Variants in KAT6B observed in about 807,000 individuals in gnomAD.
The protein encoded by KAT6B is histone acetyltransferase KAT6B.
A neutral mutation model predicts 187.5 loss-of-function variants in KAT6B; 10 were observed. That is an observed-to-expected ratio of 0.05 (90% CI 0.03 to 0.09). The LOEUF is 0.09. Among genes scored for constraint, KAT6B ranks in the 10% least tolerant of loss-of-function variants. KAT6B has a pLI of 1.00. For synonymous variants in KAT6B, 861 were observed against 926.8 expected (o/e 0.93, Z 1.29); for missense variants, 1,952 against 2,558.9 (o/e 0.76, Z 5.12).
At chr10:74,911,422 A>G (rs1031426696) in intron 3 of KAT6B, among the ~76,000 whole-genome samples, 2 of 151,842 alleles carry the variant, frequency 1.3e-5, no homozygotes, top group Non-Finnish European at 2.9e-5. Flanking sequence ...GCCCACCACC[A>G]TGCCTGGCTA....
intron 3 of KAT6B, among the ~76,000 whole-genome samples, chr10:74,947,086 ACC>A (rs1840005659): frequency 6.6e-6 from 1 of 151,850 alleles, no homozygotes; most frequent in Non-Finnish European, 1.5e-5. Flanking sequence ...TACAACCTCC[ACC>A]CCCTGAGTTC....
At chr10:74,963,076 A>G (rs531736070) in intron 4 of KAT6B, among the ~76,000 whole-genome samples, 1 of 152,278 alleles carries the variant, frequency 6.6e-6, no homozygotes, top group African/African-American at 2.4e-5. Flanking sequence ...CAGTGAGAAA[A>G]TGATAGGAAG....
At chr10:74,944,565 T>G (rs1394020291) in intron 3 of KAT6B, among the ~76,000 whole-genome samples, 1 of 151,924 alleles carries the variant, frequency 6.6e-6, no homozygotes, top group Admixed American at 6.6e-5. Context: ...AATCCAGCAC[T>G]TTGGGAGGTC....
intron 13 of KAT6B, among the ~76,000 whole-genome samples, chr10:75,014,915 A>C (rs1450603723): frequency 6.6e-6 from 1 of 152,194 alleles, no homozygotes; most frequent in Admixed American, 6.5e-5. Context: ...GAGATTCTTC[A>C]GTCCTACTGT....
chr10:75,026,031 G>A (rs536835596), intron 17 of KAT6B: 1 of 151,516 alleles, frequency 6.6e-6, no homozygotes, highest in African/African-American at 2.4e-5. Context: ...GTGGTGGTGT[G>A]TGCCTATAGT....
intron 8 of KAT6B, 37 bp downstream of exon 8, chr10:74,976,367 C>T: frequency 1.3e-6 from 2 of 1,555,310 alleles, no homozygotes; most frequent in South Asian, 2.2e-5. Context: ...AAACCTGCGT[C>T]CCGTCCCTTT....
At chr10:74,831,460 A>G (rs1840855087) in intron 1 of KAT6B, among the ~76,000 whole-genome samples, 1 of 152,226 alleles carries the variant, frequency 6.6e-6, no homozygotes. Flanking sequence ...TAAACAATGT[A>G]TAACTATGAG....
At chr10:74,878,678 G>A (rs1244140698) in intron 3 of KAT6B, among the ~76,000 whole-genome samples, 1 of 151,784 alleles carries the variant, frequency 6.6e-6, no homozygotes, top group African/African-American at 2.4e-5. Flanking sequence ...GCAGAGGGAG[G>A]TAACTTCTAG....
intron 13 of KAT6B, among the ~76,000 whole-genome samples, chr10:75,010,453 T>A (rs943895611): frequency 1.3e-5 from 2 of 152,254 alleles, no homozygotes; most frequent in Non-Finnish European, 2.9e-5. Flanking sequence ...TCTCATTTTT[T>A]CTTTCTTCAA....
chr10:74,962,566 T>A (rs866391116), intron 4 of KAT6B, among the ~76,000 whole-genome samples: 11 of 152,136 alleles, frequency 7.2e-5, no homozygotes, highest in African/African-American at 2.7e-4. Flanking sequence ...TGTGAAAAAA[T>A]ACCCATAGCA....
rs200122662 is a variant in KAT6B, at chr10:74,975,921, G to T, written c.1584G>T (p.Val528=). ...SPQSSSSQCS[V]PSLSSLTTNS... ...AGAGTTCTTCCAGCCAGTGCAGTGTGCCCTCCCTGAGCAGCCTTACCACTA... is the reference window on the plus strand; with the variant it reads ...AGAGTTCTTCCAGCCAGTGCAGTGTTCCCTCCCTGAGCAGCCTTACCACTA... The change falls in exon 8 of 18, where the codon GTG becomes GTT. Residue 528 remains valine (V), a synonymous_variant. Transcript: ENST00000287239. 1 of 1,613,922 alleles carries T rather than the reference G, an allele frequency of 6.2e-7. No homozygotes were observed. Among genetic ancestry groups the T allele is most frequent in the Non-Finnish European group, 8.5e-7 (1 of 1,180,022 alleles).
At chr10:74,937,230 TC>T (rs1212808647) in intron 3 of KAT6B, among the ~76,000 whole-genome samples, 1 of 152,218 alleles carries the variant, frequency 6.6e-6, no homozygotes, top group Non-Finnish European at 1.5e-5. Context: ...AAATGTAGCT[TC>T]GGAGCCAAAT....
At chr10:75,001,004 G>C (rs1309712734) in intron 13 of KAT6B, among the ~76,000 whole-genome samples, 1 of 152,098 alleles carries the variant, frequency 6.6e-6, no homozygotes, top group African/African-American at 2.4e-5. Context: ...AGTGTGGTTT[G>C]CAGCGTCCTT....
In KAT6B at chr10:75,030,115, A is replaced by G; in HGVS notation, c.5291A>G (p.Gln1764Arg). The G allele has an allele frequency of 1.2e-6, 2 of 1,614,266 alleles. No individual in the cohort carries two copies. Among genetic ancestry groups the G allele is most frequent in the Non-Finnish European group, 1.7e-6 (2 of 1,180,050 alleles). ...GTGGAGAGGCCTCCGAGCAGCAGCCAGCAGCTGGCTCAGTGCAGCATGGCT... is the reference window on the plus strand; with the variant it reads ...GTGGAGAGGCCTCCGAGCAGCAGCCGGCAGCTGGCTCAGTGCAGCATGGCT... ...CVVERPPSSS[Q>R]QLAQCSMAAN... Residue 1764 changes from glutamine (Q) to arginine (R), a missense_variant, in exon 18 of 18, where the codon CAG (glutamine) becomes CGG (arginine). Transcript: ENST00000287239. The surrounding 1 kb of genome is among the most constrained non-coding windows in gnomAD (Gnocchi z 4.8).
intron 3 of KAT6B, among the ~76,000 whole-genome samples, chr10:74,917,207 G>A (rs1185495579): frequency 6.6e-6 from 1 of 152,138 alleles, no homozygotes; most frequent in African/African-American, 2.4e-5. Flanking sequence ...TAGATTTATA[G>A]GAAAGTTGTC....
intron 3 of KAT6B, among the ~76,000 whole-genome samples, chr10:74,884,126 C>G (rs1845062661): frequency 6.6e-6 from 1 of 152,224 alleles, no homozygotes; most frequent in Non-Finnish European, 1.5e-5. Flanking sequence ...ACACCTTCCA[C>G]CTAGCATCAA....
At chr10:74,916,922 G>A (rs1470677027) in intron 3 of KAT6B, among the ~76,000 whole-genome samples, 1 of 152,124 alleles carries the variant, frequency 6.6e-6, no homozygotes, top group Admixed American at 6.6e-5. Flanking sequence ...GGCAAAATGT[G>A]GCAAAACCCT....
chr10:74,965,344 A>G (rs551555450), intron 4 of KAT6B, among the ~76,000 whole-genome samples: 2 of 152,150 alleles, frequency 1.3e-5, no homozygotes, highest in Admixed American at 6.5e-5. Context: ...AGATTCTCCC[A>G]TATCCCTAAG....
intron 13 of KAT6B, among the ~76,000 whole-genome samples, chr10:75,000,680 GTA>G (rs1843769735): frequency 6.6e-6 from 1 of 152,090 alleles, no homozygotes; most frequent in African/African-American, 2.4e-5. Context: ...TCTAAAATTA[GTA>G]TGTTTGTGGA....
Sources: allele counts gnomAD v4.1 joint callset (sites outside exome capture counted in the v4.1 genomes callset), GRCh38; gene constraint gnomAD v4.1.1; non-coding constraint Gnocchi (gnomAD v3.1); transcripts MANE v1.5; gene names NCBI Gene and HGNC (gene_info 2026-07-23, HGNC 2026-07-21).